GPC5: variants seen among roughly 807,000 people sequenced by gnomAD.
GPC5 encodes the protein glypican 5, also known as glypican-5.
GPC5 carries 47 observed loss-of-function variants against 53.9 expected under a neutral mutation model. That is an observed-to-expected ratio of 0.87 (90% CI 0.69 to 1.11). GPC5 has a LOEUF of 1.11. Among genes scored for constraint, GPC5 ranks in the 50% most tolerant of loss-of-function variants. The pLI, the probability that GPC5 is intolerant of heterozygous loss-of-function variation, is 0.00. For missense variants in GPC5, 748 were observed against 713.1 expected (o/e 1.05, Z -0.56); for synonymous variants, 286 against 263.3 (o/e 1.09, Z -0.84).
At chr13:91,718,394 G>A (rs2036392003) in intron 3 of GPC5, among the ~76,000 whole-genome samples, 1 of 151,752 alleles carries the variant, frequency 6.6e-6, no homozygotes, top group African/African-American at 2.4e-5. Context: ...ACAGGCGTGA[G>A]CCACTGAGCC....
At chr13:92,444,879 G>T (rs1428940675) in intron 7 of GPC5, among the ~76,000 whole-genome samples, 1 of 152,028 alleles carries the variant, frequency 6.6e-6, no homozygotes, top group Non-Finnish European at 1.5e-5. Flanking sequence ...TGACTCAGAG[G>T]TCAAGCTGAA....
chr13:92,384,480 G>A (rs936301095), intron 7 of GPC5, among the ~76,000 whole-genome samples: 17 of 152,008 alleles, frequency 1.1e-4, no homozygotes, highest in African/African-American at 3.6e-4. Context: ...TCGAATTACA[G>A]TTTCATCATT....
chr13:92,373,673 G>A (rs1174269969), intron 7 of GPC5, among the ~76,000 whole-genome samples: 2 of 152,122 alleles, frequency 1.3e-5, no homozygotes, highest in African/African-American at 4.8e-5. Context: ...CATATCTCAT[G>A]GAAAAATTCT....
intron 2 of GPC5, among the ~76,000 whole-genome samples, chr13:91,574,939 C>G (rs971645731): frequency 6.6e-6 from 1 of 152,060 alleles, no homozygotes; most frequent in Non-Finnish European, 1.5e-5. Flanking sequence ...AGGAATCATC[C>G]TAGAGTACTA....
intron 7 of GPC5, among the ~76,000 whole-genome samples, chr13:92,734,998 G>A (rs772937348): frequency 7.2e-5 from 11 of 151,838 alleles, no homozygotes; most frequent in Non-Finnish European, 8.8e-5. Context: ...CAAAGGGCAC[G>A]TAAAACATAG....
intron 3 of GPC5, among the ~76,000 whole-genome samples, chr13:91,710,604 T>G (rs2036203776): frequency 6.6e-6 from 1 of 152,214 alleles, no homozygotes; most frequent in African/African-American, 2.4e-5. Flanking sequence ...CTTCCATTTC[T>G]TAATTCAGGA....
At chr13:91,536,692 A>G (rs1886605924) in intron 2 of GPC5, among the ~76,000 whole-genome samples, 1 of 152,114 alleles carries the variant, frequency 6.6e-6, no homozygotes. Flanking sequence ...GCCTGTGTCT[A>G]TATAAGTACA....
At chr13:91,820,887 C>T (rs890241745) in intron 5 of GPC5, among the ~76,000 whole-genome samples, 2 of 151,652 alleles carry the variant, frequency 1.3e-5, no homozygotes, top group Admixed American at 6.6e-5. Context: ...GGCATGAACC[C>T]GGGAAGCGGA....
At chr13:91,522,831 C>T (rs143648421) in intron 2 of GPC5, among the ~76,000 whole-genome samples, 2 of 152,304 alleles carry the variant, frequency 1.3e-5, no homozygotes, top group African/African-American at 2.4e-5. Flanking sequence ...CATGTCCCTG[C>T]AAAGGACATG....
intron 7 of GPC5, among the ~76,000 whole-genome samples, chr13:92,231,013 A>G (rs2042526244): frequency 6.6e-6 from 1 of 152,220 alleles, no homozygotes; most frequent in South Asian, 2.1e-4. Flanking sequence ...AGCGCTTTGC[A>G]GTAAGATAGC....
intron 2 of GPC5, among the ~76,000 whole-genome samples, chr13:91,633,067 A>G: frequency 6.6e-6 from 1 of 152,212 alleles, no homozygotes; most frequent in East Asian, 1.9e-4. Flanking sequence ...AAATGAAAAC[A>G]AAGATGCTAC....
intron 6 of GPC5, among the ~76,000 whole-genome samples, chr13:92,091,544 C>G (rs1177351159): frequency 6.6e-6 from 1 of 151,880 alleles, no homozygotes; most frequent in African/African-American, 2.4e-5. Context: ...CTACTATATG[C>G]TATAATATAC....
At chr13:92,023,030 T>C (rs946661330) in intron 6 of GPC5, among the ~76,000 whole-genome samples, 44 of 152,222 alleles carry the variant, frequency 2.9e-4, no homozygotes, top group African/African-American at 1.0e-3. Flanking sequence ...ATAAAATATT[T>C]GACTCTGTTT....
chr13:91,701,565 G>A, intron 3 of GPC5, among the ~76,000 whole-genome samples: 1 of 151,980 alleles, frequency 6.6e-6, no homozygotes, highest in East Asian at 1.9e-4. Context: ...GTGTGTGTGT[G>A]TGTGTGTTTG....
intron 7 of GPC5, among the ~76,000 whole-genome samples, chr13:92,222,256 G>T (rs1334074934): frequency 1.3e-5 from 2 of 152,076 alleles, no homozygotes; most frequent in African/African-American, 4.8e-5. Context: ...GTTAAAAAGG[G>T]GAAGATGGGA....
chr13:91,698,271 A>G (rs2035924420), intron 3 of GPC5, among the ~76,000 whole-genome samples: 1 of 152,178 alleles, frequency 6.6e-6, no homozygotes, highest in South Asian at 2.1e-4. Flanking sequence ...AGCTGGTTGT[A>G]CTCAAATTAC....
intron 7 of GPC5, among the ~76,000 whole-genome samples, chr13:92,184,456 C>T (rs981731180): frequency 1.3e-5 from 2 of 152,158 alleles, no homozygotes; most frequent in African/African-American, 4.8e-5. Context: ...AGCCCCCTCT[C>T]CCTTCCCCAC....
At chr13:92,537,450 C>T (rs1024299320) in intron 7 of GPC5, among the ~76,000 whole-genome samples, 3 of 152,120 alleles carry the variant, frequency 2.0e-5, no homozygotes, top group African/African-American at 4.8e-5. Context: ...TTGATCAACT[C>T]ACAGACTATA....
chr13:91,985,970 A>G (rs1419830356), intron 6 of GPC5, among the ~76,000 whole-genome samples: 2 of 152,038 alleles, frequency 1.3e-5, no homozygotes, highest in African/African-American at 4.8e-5. Flanking sequence ...ATCCCAGCCA[A>G]CTTCTCAATT....
Sources: gnomAD v4.1 joint callset for allele counts (sites outside exome capture counted in the v4.1 genomes callset) on GRCh38, gnomAD v4.1.1 for gene constraint, MANE v1.5 for transcripts, NCBI Gene and HGNC (gene_info 2026-07-23, HGNC 2026-07-21) for gene names.